The following FBXO22 variants were observed in gnomAD, a reference collection of about 807,000 sequenced individuals.
FBXO22 encodes F-box only protein 22.
FBXO22 carries 13 observed loss-of-function variants against 37.2 expected under a neutral mutation model. The observed-to-expected ratio is 0.35, with a 90% CI of 0.23 to 0.56. FBXO22 has a LOEUF of 0.56. FBXO22 is among the 20% of genes least tolerant of loss of function. The probability of loss-of-function intolerance (pLI) is 0.87; values close to 1 mark genes in which losing one functional copy is unlikely to be tolerated. For missense variants in FBXO22, 446 were observed against 509.9 expected (o/e 0.87, Z 1.21); for synonymous variants, 189 against 189.1 (o/e 1.00, Z 0.00).
chr15:75,907,966 G>A (rs1899965766), intron 2 of FBXO22, among the ~76,000 whole-genome samples: 1 of 151,848 alleles, frequency 6.6e-6, no homozygotes, highest in African/African-American at 2.4e-5. Flanking sequence ...TTTTTTTAAA[G>A]TCCACCAAAA....
intron 4 of FBXO22, among the ~76,000 whole-genome samples, chr15:75,915,506 C>G (rs1338531482): frequency 6.6e-6 from 1 of 152,094 alleles, no homozygotes; most frequent in African/African-American, 2.4e-5. Flanking sequence ...TGGCTGACAC[C>G]TGTAATCCCA....
chr15:75,917,533 A>G (rs1278249677), intron 5 of FBXO22, 139 bp downstream of exon 5: 1 of 599,472 alleles, frequency 1.7e-6, no homozygotes. Flanking sequence ...GATGTGGCTA[A>G]TTCAAACAGG....
rs2030368538 is a variant in FBXO22, at chr15:75,936,655, A to C, written c.*3553A>C. ...AATGGCACAATCTCGACTCATTGCAACCTCCACCTCCTGGGTTCAAGTGAT... is the reference window on the plus strand; with the variant it reads ...AATGGCACAATCTCGACTCATTGCACCCTCCACCTCCTGGGTTCAAGTGAT... On this transcript the variant is annotated 3_prime_UTR_variant, in exon 7 of 7. Transcript: ENST00000308275. 1 of 151,936 alleles carries C rather than the reference A, an allele frequency of 6.6e-6. No homozygotes were observed. The highest frequency in any genetic ancestry group is 1.5e-5 in the Non-Finnish European group (1 of 67,998). 9.4% of individuals were successfully genotyped at this position (151,936 alleles called of 1,614,324 possible). A position where few individuals can be genotyped will look rare whatever the true frequency, so the allele number is the denominator to read the frequency against.
At chr15:75,923,383 C>T (rs1169221790) in intron 5 of FBXO22, among the ~76,000 whole-genome samples, 1 of 152,142 alleles carries the variant, frequency 6.6e-6, no homozygotes, top group Non-Finnish European at 1.5e-5. Flanking sequence ...TGGCTTATTC[C>T]AAGGCATCAT....
chr15:75,927,700 T>G, intron 5 of FBXO22, among the ~76,000 whole-genome samples: 1 of 152,226 alleles, frequency 6.6e-6, no homozygotes, highest in East Asian at 1.9e-4. Flanking sequence ...GTAATATTCT[T>G]TTTACTGTCC....
Position 75,917,407 on chromosome 15 carries a change from T to G in FBXO22, c.628+13T>G. On this transcript the variant is annotated intron_variant, in intron 5 of 6. Coordinates refer to ENST00000308275, the MANE Select transcript of FBXO22 (RefSeq NM_147188.3). ...CTCACTGAAGTAGGTAAGTTACTTTTATTTATCATTAACTGCTCATTTTAT... is the reference window on the plus strand; with the variant it reads ...CTCACTGAAGTAGGTAAGTTACTTTGATTTATCATTAACTGCTCATTTTAT... 6.5e-7 allele frequency: 1 copy of G among 1,535,926 alleles called. No homozygotes were observed. The highest frequency in any genetic ancestry group is 2.3e-5 in the East Asian group (1 of 44,274).
intron 4 of FBXO22, among the ~76,000 whole-genome samples, chr15:75,914,519 G>C (rs1900140394): frequency 6.6e-6 from 1 of 152,118 alleles, no homozygotes; most frequent in Admixed American, 6.5e-5. Flanking sequence ...AAGCAGTATT[G>C]TGTTTGGTGG....
In FBXO22 at chr15:75,933,078, C is replaced by G. The variant is rs776975292; in HGVS notation, c.1188C>G (p.Leu396=). The change falls in exon 7 of 7, where the codon CTC becomes CTG. Residue 396 remains leucine, a synonymous_variant. Coordinates refer to ENST00000308275, the MANE Select transcript of FBXO22 (RefSeq NM_147188.3). The stretch of plus-strand genomic sequence containing the variant: ...ATAGCTATACAACAATAATGGCACT[C>G]ATACATCTGGGGTCATCTAAATAAT... ...LFHSYTTIMA[L]IHLGSSK The G allele has an allele frequency of 6.2e-7, 1 of 1,612,876 alleles. No homozygotes were observed. Among genetic ancestry groups the G allele is most frequent in the South Asian group, 1.1e-5 (1 of 90,940 alleles).
Position 75,940,973 on chromosome 15 carries a change from A to G in FBXO22, c.*7871A>G, listed in dbSNP as rs1361932126. 1 of 152,170 alleles carries G rather than the reference A, an allele frequency of 6.6e-6. No individual in the cohort carries two copies. Among genetic ancestry groups the G allele is most frequent in the East Asian group, 1.9e-4 (1 of 5,204 alleles). 9.4% of individuals were successfully genotyped at this position (152,170 alleles called of 1,614,324 possible). ...ACTTCATTAAAATTTTGTGCATCAA[A>G]GAACACTATCAACAGAGTAAAAAGA... On this transcript the variant is annotated 3_prime_UTR_variant, in exon 7 of 7. Coordinates refer to ENST00000308275, the MANE Select transcript of FBXO22 (RefSeq NM_147188.3).
chr15:75,914,229 G>A (rs745878527), intron 4 of FBXO22, 24 bp downstream of exon 4: 1 of 1,523,874 alleles, frequency 6.6e-7, no homozygotes, highest in East Asian at 2.3e-5. Flanking sequence ...GCAACTTGAT[G>A]ATTTCTTCCT....
rs953174478 is a variant in FBXO22 at position 75,933,907 on chromosome 15, A to G, written c.*805A>G. 6.4e-6 allele frequency: 1 copy of G among 156,838 alleles called. No homozygotes were observed. Among genetic ancestry groups the G allele is most frequent in the Non-Finnish European group, 1.4e-5 (1 of 70,506 alleles). 9.7% of individuals were successfully genotyped at this position (156,838 alleles called of 1,614,324 possible). ...TCCTTTATAAATGAAAACCCAGAAT[A>G]GTTGGTATGTCAGCTAGTCATTCCT... On this transcript the variant is annotated 3_prime_UTR_variant, in exon 7 of 7. Coordinates refer to ENST00000308275, the MANE Select transcript of FBXO22 (RefSeq NM_147188.3).
Position 75,932,810 on chromosome 15 carries a change from A to T in FBXO22, c.920A>T (p.Gln307Leu). ...SDEKTAEAAM[Q>L]RLKAANIPEH... ...GAGAAGACTGCTGAGGCTGCGATGCAGCGCCTCAAAGCGGCCAACATTCCA... is the reference window on the plus strand; with the variant it reads ...GAGAAGACTGCTGAGGCTGCGATGCTGCGCCTCAAAGCGGCCAACATTCCA... Residue 307 changes from glutamine to leucine, a missense_variant, in exon 7 of 7, where the codon CAG (glutamine) becomes CTG (leucine). By Grantham distance (113) the Gln-to-Leu change is moderately radical. Coordinates refer to ENST00000308275, the MANE Select transcript of FBXO22 (RefSeq NM_147188.3). 1 of 1,614,280 alleles carries T rather than the reference A, an allele frequency of 6.2e-7. No individual in the cohort carries two copies.
intron 1 of FBXO22, 59 bp from the exon 2 acceptor site, chr15:75,904,432 C>G (rs1168328947): frequency 1.2e-5 from 20 of 1,610,696 alleles, no homozygotes; most frequent in Non-Finnish European, 1.7e-5. Flanking sequence ...GGTTTGTGAG[C>G]TGTGGGAGAG....
At chr15:75,927,920 A>G (rs996114098) in intron 5 of FBXO22, among the ~76,000 whole-genome samples, 2 of 152,202 alleles carry the variant, frequency 1.3e-5, no homozygotes, top group African/African-American at 4.8e-5. Context: ...GTTAGGTATT[A>G]GATTCATTTT....
At chr15:75,931,648 G>A (rs570341945) in intron 6 of FBXO22, among the ~76,000 whole-genome samples, 1 of 152,246 alleles carries the variant, frequency 6.6e-6, no homozygotes, top group Admixed American at 6.5e-5. Flanking sequence ...TATAGATTCA[G>A]ATGTTGGAAG....
intron 2 of FBXO22, among the ~76,000 whole-genome samples, chr15:75,905,230 G>A (rs1899901383): frequency 6.6e-6 from 1 of 152,142 alleles, no homozygotes; most frequent in Non-Finnish European, 1.5e-5. Context: ...TGTTTTACCG[G>A]GAAGACAACT....
At chr15:75,928,473 A>C (rs1166871340) in intron 5 of FBXO22, among the ~76,000 whole-genome samples, 1 of 152,208 alleles carries the variant, frequency 6.6e-6, no homozygotes, top group Non-Finnish European at 1.5e-5. Flanking sequence ...TTAGCAAACT[A>C]ACACAGAAAC....
chr15:75,914,550 G>C (rs1422009588), intron 4 of FBXO22, among the ~76,000 whole-genome samples: 1 of 152,032 alleles, frequency 6.6e-6, no homozygotes, highest in Non-Finnish European at 1.5e-5. Flanking sequence ...GATGGGGCTG[G>C]GATTAGGAGC....
chr15:75,931,944 T>C (rs2141726173), intron 6 of FBXO22, among the ~76,000 whole-genome samples: 1 of 152,354 alleles, frequency 6.6e-6, no homozygotes, highest in African/African-American at 2.4e-5. Flanking sequence ...CTGAGTGCAG[T>C]GGCTCATGCC....
Sources: allele counts gnomAD v4.1 joint callset (sites outside exome capture counted in the v4.1 genomes callset), GRCh38; gene constraint gnomAD v4.1.1; transcripts MANE v1.5; gene names NCBI Gene and HGNC (gene_info 2026-07-23, HGNC 2026-07-21).